ARHGAP42: variants seen among roughly 807,000 people sequenced by gnomAD.
The protein encoded by ARHGAP42 is rho GTPase-activating protein 42.
In ARHGAP42, 63 loss-of-function variants were observed where a neutral mutation model predicts 125.0. The observed-to-expected ratio is 0.50, with a 90% CI of 0.41 to 0.62. The LOEUF is 0.62. Among genes scored for constraint, ARHGAP42 ranks in the 20% least tolerant of loss-of-function variants. ARHGAP42 has a pLI of 0.00. For missense variants in ARHGAP42, 766 were observed against 1,024.2 expected (o/e 0.75, Z 3.44); for synonymous variants, 339 against 351.0 (o/e 0.97, Z 0.38).
In ARHGAP42 at chr11:100,991,924, A is replaced by T. The variant is rs536988689; in HGVS notation, c.*3123A>T. The T allele has an allele frequency of 3.6e-5, 6 of 165,196 alleles. No homozygotes were observed. The highest frequency in any genetic ancestry group is 1.4e-4 in the African/African-American group (6 of 42,152). The allele number at this position is 165,196 out of a possible 1,614,324, so 10.2% of individuals were successfully genotyped here. A position where few individuals can be genotyped will look rare whatever the true frequency, so the allele number is the denominator to read the frequency against. On this transcript the variant is annotated 3_prime_UTR_variant, in exon 24 of 24. Transcript: ENST00000298815. ...GTTTCCAAGTAGGAAAAATAAAGAT[A>T]CATATGACTTTTATTATTATTCGAT... is the stretch of plus-strand genomic sequence containing the variant.
intron 4 of ARHGAP42, among the ~76,000 whole-genome samples, chr11:100,866,405 A>G (rs1190686771): frequency 2.0e-5 from 3 of 152,164 alleles, no homozygotes; most frequent in Non-Finnish European, 2.9e-5. Context: ...AAGGTTTTCA[A>G]TTTACCTTGC....
At chr11:100,967,598 C>T (rs1858127321) in intron 17 of ARHGAP42, among the ~76,000 whole-genome samples, 1 of 152,180 alleles carries the variant, frequency 6.6e-6, no homozygotes, top group Non-Finnish European at 1.5e-5. Context: ...AAACAAAACT[C>T]TTGGTTCTCT....
intron 1 of ARHGAP42, among the ~76,000 whole-genome samples, chr11:100,699,373 A>G (rs982713034): frequency 2.0e-5 from 3 of 150,698 alleles, no homozygotes; most frequent in African/African-American, 4.9e-5. Context: ...CTGCAATTCT[A>G]TATCTAAAAT....
intron 2 of ARHGAP42, among the ~76,000 whole-genome samples, chr11:100,787,441 T>C (rs892603156): frequency 3.3e-5 from 5 of 152,178 alleles, no homozygotes; most frequent in African/African-American, 1.2e-4. Flanking sequence ...GTTTATAAAT[T>C]ACCCAGTCTC....
chr11:100,688,443 T>C lies in ARHGAP42; in HGVS notation c.154+611T>C, dbSNP rs977447906. 1.6e-4 allele frequency among the ~76,000 whole-genome samples: 25 copies of C among 152,284 alleles called. No homozygotes were observed. In the South Asian group the frequency reaches 2.9e-3, roughly 18 times the overall value. ...CATTGTGTGGGTGTTGGGTGTGTCA[T>C]TGGGATGAAAGTTAAGGGGTTAAAG... On this transcript the variant is annotated intron_variant, in intron 1 of 23. Transcript: ENST00000298815.
intron 2 of ARHGAP42, among the ~76,000 whole-genome samples, chr11:100,776,547 C>T (rs1157085603): frequency 2.0e-5 from 3 of 152,166 alleles, no homozygotes; most frequent in African/African-American, 4.8e-5. Flanking sequence ...ATGAGTCAGT[C>T]AGTTAGGTAG....
intron 4 of ARHGAP42, 143 bp downstream of exon 4, chr11:100,859,768 C>G: frequency 1.8e-6 from 1 of 560,556 alleles, no homozygotes; most frequent in Non-Finnish European, 3.0e-6. Flanking sequence ...AGAGACTTAA[C>G]AAAGACTGGA....
chr11:100,915,869 C>A (rs1335354334), intron 5 of ARHGAP42, among the ~76,000 whole-genome samples: 1 of 152,228 alleles, frequency 6.6e-6, no homozygotes, highest in East Asian at 1.9e-4. Context: ...CCTCCCTTCG[C>A]CCCTCTAGGA....
chr11:100,907,375 C>T (rs1866767752), intron 4 of ARHGAP42, among the ~76,000 whole-genome samples: 1 of 152,074 alleles, frequency 6.6e-6, no homozygotes, highest in African/African-American at 2.4e-5. Context: ...AATGTGAATC[C>T]TTTGGTTCCT....
rs373059302 is a variant in ARHGAP42 at position 100,837,666 on chromosome 11, C to CTTTTTTTTTTTTTTTTTTTTTTTT, written c.313-21880_313-21857dup. 3.8e-4 allele frequency among the ~76,000 whole-genome samples: 23 copies of CTTTTTTTTTTTTTTTTTTTTTTTT among 61,060 alleles called. 1 individual carries two copies. The highest frequency in any genetic ancestry group is 1.8e-3 in the East Asian group (3 of 1,708). 40.1% of individuals were successfully genotyped at this position (61,060 alleles called of 152,430 possible). A position where few individuals can be genotyped will look rare whatever the true frequency, so the allele number is the denominator to read the frequency against. ...CAGTTCCCAGAATCTAGGTGTCATCCTTTTTTTTTTTTTTTTTTTTTTTTT... is the reference window on the plus strand; with the variant it reads ...CAGTTCCCAGAATCTAGGTGTCATCCTTTTTTTTTTTTTTTTTTTTTTTTTTTTTTTTTTTTTTTTTTTTTTTTT... On this transcript the variant is annotated intron_variant, in intron 3 of 23. Transcript: ENST00000298815.
At chr11:100,867,507 C>G (rs79204935) in intron 4 of ARHGAP42, among the ~76,000 whole-genome samples, 140 of 152,340 alleles carry the variant, frequency 9.2e-4, no homozygotes, top group African/African-American at 3.2e-3. Context: ...ATTTCTTCTG[C>G]AATTTCCTTA....
chr11:100,816,137 C>T (rs1384071241), intron 3 of ARHGAP42, among the ~76,000 whole-genome samples: 1 of 151,820 alleles, frequency 6.6e-6, no homozygotes, highest in African/African-American at 2.4e-5. Context: ...TCTTTGAGAC[C>T]CTGGTTTCAA....
At chr11:100,756,146 G>C (rs966188062) in intron 1 of ARHGAP42, among the ~76,000 whole-genome samples, 3 of 149,160 alleles carry the variant, frequency 2.0e-5, no homozygotes, top group Non-Finnish European at 4.4e-5. Context: ...AGCACTTTGG[G>C]AGGCTAAGAC....
intron 1 of ARHGAP42, among the ~76,000 whole-genome samples, chr11:100,767,042 G>C (rs1248640249): frequency 6.6e-6 from 1 of 152,204 alleles, no homozygotes; most frequent in African/African-American, 2.4e-5. Flanking sequence ...TGGCTTTGCA[G>C]TGTAGCAAGA....
At chr11:100,779,778 C>A (rs1863256370) in intron 2 of ARHGAP42, among the ~76,000 whole-genome samples, 1 of 151,622 alleles carries the variant, frequency 6.6e-6, no homozygotes. Context: ...GTAATCCCAG[C>A]ACTTTGGGAG....
At chr11:100,723,178 G>A (rs1348285463) in intron 1 of ARHGAP42, among the ~76,000 whole-genome samples, 1 of 152,102 alleles carries the variant, frequency 6.6e-6, no homozygotes, top group Non-Finnish European at 1.5e-5. Context: ...ACAATCTTGA[G>A]TACTTTAGAT....
chr11:100,730,777 G>C (rs1207203049), intron 1 of ARHGAP42, among the ~76,000 whole-genome samples: 1 of 152,200 alleles, frequency 6.6e-6, no homozygotes, highest in African/African-American at 2.4e-5. Flanking sequence ...CAAAAACCTA[G>C]TTGGTATAAT....
intron 12 of ARHGAP42, among the ~76,000 whole-genome samples, chr11:100,955,150 A>C (rs1304285588): frequency 6.6e-6 from 1 of 152,080 alleles, no homozygotes; most frequent in Non-Finnish European, 1.5e-5. Flanking sequence ...TGTTGAGATT[A>C]ATAGCTTTTG....
chr11:100,804,586 C>G (rs1241172156), intron 3 of ARHGAP42, among the ~76,000 whole-genome samples: 1 of 150,336 alleles, frequency 6.7e-6, no homozygotes, highest in Non-Finnish European at 1.5e-5. Flanking sequence ...GCACTGCCAC[C>G]TGGGCTGGAG....
Sources: gnomAD v4.1 joint callset for allele counts (sites outside exome capture counted in the v4.1 genomes callset) on GRCh38, gnomAD v4.1.1 for gene constraint, MANE v1.5 for transcripts, NCBI Gene and HGNC (gene_info 2026-07-23, HGNC 2026-07-21) for gene names.